The following NTRK3 variants were observed in gnomAD, a reference collection of about 807,000 sequenced individuals.
NTRK3 encodes the protein neurotrophic receptor tyrosine kinase 3.
Under a neutral mutation model 91.7 loss-of-function variants are expected in NTRK3, and 24 were observed. That is an observed-to-expected ratio of 0.26 (90% CI 0.19 to 0.37). The LOEUF (loss-of-function observed/expected upper bound fraction) is 0.37, where lower values mean the gene tolerates loss of function less well. Among genes scored for constraint, NTRK3 ranks in the 10% least tolerant of loss-of-function variants. The pLI is 1.00. For synonymous variants in NTRK3, 483 were observed against 404.0 expected (o/e 1.20, Z -2.34); for missense variants, 880 against 1,068.9 (o/e 0.82, Z 2.46).
exon 5 of NTRK3, chr15:88,183,464 T>C: frequency 6.2e-7 from 1 of 1,613,930 alleles, no homozygotes; most frequent in Non-Finnish European, 8.5e-7. Context: ...GGCTGAATGC[T>C]CCGAAGTCCT....
At chr15:87,996,883 A>C (rs548769839) in intron 14 of NTRK3, among the ~76,000 whole-genome samples, 2 of 152,358 alleles carry the variant, frequency 1.3e-5, no homozygotes, top group South Asian at 4.1e-4. Context: ...TTTAGTGTGT[A>C]GATGAATTCT....
intron 10 of NTRK3, 36 bp downstream of exon 10, chr15:88,135,065 A>C: frequency 2.5e-6 from 4 of 1,612,574 alleles, no homozygotes; most frequent in Non-Finnish European, 3.4e-6. Context: ...TGTAGAAAGA[A>C]TCCATACACC....
exon 4 of NTRK3, chr15:88,184,269 C>A: frequency 6.2e-7 from 1 of 1,607,392 alleles, no homozygotes; most frequent in Middle Eastern, 1.7e-4. Context: ...CGGCGTTGAG[C>A]GTGTGAAGAC....
In NTRK3 at chr15:88,131,837, G is replaced by C. The variant is rs1025139515; in HGVS notation, c.1205-3103C>G. 8.3e-5 allele frequency: 15 copies of C among 181,814 alleles called. No individual in the cohort carries two copies. The East Asian group carries it at 1.2e-3, about 15-fold the overall frequency. 11.3% of individuals were successfully genotyped at this position (181,814 alleles called of 1,614,324 possible). On this transcript the variant is annotated intron_variant, in intron 10 of 18. Transcript: ENST00000394480. Reference sequence around the variant, plus strand: ...CATCCTGACTCCTCTCTAACCTGTGGGAGGGTTCAGGCATTCAGCCTGGAA... The same window carrying C: ...CATCCTGACTCCTCTCTAACCTGTGCGAGGGTTCAGGCATTCAGCCTGGAA...
intron 6 of NTRK3, chr15:88,143,786 C>G (rs1215045584): frequency 6.6e-6 from 1 of 152,244 alleles, no homozygotes; most frequent in Non-Finnish European, 1.5e-5. Context: ...TGCACCAGGA[C>G]CAGCCCAAAC....
At chr15:87,931,632 G>A (rs1596301952) in intron 16 of NTRK3, among the ~76,000 whole-genome samples, 1 of 152,270 alleles carries the variant, frequency 6.6e-6, no homozygotes, top group East Asian at 1.9e-4. Flanking sequence ...AGTTCTCCAG[G>A]AAAGGAATCC....
exon 19 of NTRK3, chr15:87,864,368 T>C (rs986974325): frequency 8.6e-6 from 2 of 231,590 alleles, no homozygotes; most frequent in Non-Finnish European, 1.7e-5. Flanking sequence ...TAAGAAAGGC[T>C]AAACTCTCAG....
intron 3 of NTRK3, among the ~76,000 whole-genome samples, chr15:88,206,523 T>C (rs1219411159): frequency 3.4e-5 from 5 of 148,764 alleles, no homozygotes; most frequent in Non-Finnish European, 5.9e-5. Context: ...CCGGGCGCGG[T>C]GGCGGGCGCC....
chr15:88,128,424 C>T (rs1597467749), intron 11 of NTRK3, among the ~76,000 whole-genome samples: 1 of 152,170 alleles, frequency 6.6e-6, no homozygotes, highest in East Asian at 1.9e-4. Flanking sequence ...CCATGTCCAT[C>T]CTCACACAGC....
intron 13 of NTRK3, among the ~76,000 whole-genome samples, chr15:88,097,225 G>T (rs1032619366): frequency 2.0e-5 from 3 of 152,142 alleles, no homozygotes; most frequent in Non-Finnish European, 4.4e-5. Context: ...TACATCCTTG[G>T]CTGGAATATA....
chr15:88,130,089 G>T (rs568937144), intron 10 of NTRK3, among the ~76,000 whole-genome samples: 1 of 152,260 alleles, frequency 6.6e-6, no homozygotes, highest in Non-Finnish European at 1.5e-5. Context: ...TTTATCTCAG[G>T]CTTCCAGCCT....
chr15:87,886,033 T>C (rs2065517798), intron 17 of NTRK3, among the ~76,000 whole-genome samples: 1 of 151,660 alleles, frequency 6.6e-6, no homozygotes, highest in African/African-American at 2.4e-5. Flanking sequence ...AGCAGAAAAA[T>C]GAATACAGGG....
At chr15:87,916,651 G>C in intron 17 of NTRK3, 1 of 691,200 alleles carries the variant, frequency 1.4e-6, no homozygotes, top group Non-Finnish European at 2.6e-6. Flanking sequence ...CTCAGAAATA[G>C]GTTATTATTT....
chr15:88,114,553 T>G (rs1187303386), intron 13 of NTRK3, among the ~76,000 whole-genome samples: 1 of 152,238 alleles, frequency 6.6e-6, no homozygotes, highest in Non-Finnish European at 1.5e-5. Context: ...AAAAATAGAA[T>G]GCAGTAGATC....
At chr15:88,222,101 T>C (rs1232167231) in intron 3 of NTRK3, among the ~76,000 whole-genome samples, 1 of 152,144 alleles carries the variant, frequency 6.6e-6, no homozygotes, top group Non-Finnish European at 1.5e-5. Flanking sequence ...CCATGTTGGG[T>C]GAGGCAGTAC....
intron 3 of NTRK3, among the ~76,000 whole-genome samples, chr15:88,197,670 G>T (rs1271215330): frequency 1.3e-5 from 2 of 152,188 alleles, no homozygotes; most frequent in African/African-American, 4.8e-5. Context: ...GAGAGGAAAG[G>T]GGGTTGCTAA....
At chr15:88,167,295 G>T (rs1353351381) in intron 5 of NTRK3, among the ~76,000 whole-genome samples, 1 of 152,178 alleles carries the variant, frequency 6.6e-6, no homozygotes, top group Non-Finnish European at 1.5e-5. Flanking sequence ...GTGACTGACT[G>T]ATTCACACTA....
At chr15:88,049,188 C>T (rs2080557644) in intron 13 of NTRK3, among the ~76,000 whole-genome samples, 1 of 152,092 alleles carries the variant, frequency 6.6e-6, no homozygotes, top group African/African-American at 2.4e-5. Context: ...TCAAATGGAC[C>T]GCATGCAAGA....
At chr15:87,965,377 T>C (rs2072690850) in intron 14 of NTRK3, among the ~76,000 whole-genome samples, 1 of 152,244 alleles carries the variant, frequency 6.6e-6, no homozygotes, top group South Asian at 2.1e-4. Context: ...ATTCTCACAA[T>C]AGTCCACAGA....
Sources: allele counts gnomAD v4.1 joint callset (sites outside exome capture counted in the v4.1 genomes callset), GRCh38; gene constraint gnomAD v4.1.1; transcripts MANE v1.5; gene names NCBI Gene and HGNC (gene_info 2026-07-23, HGNC 2026-07-21).